Variants in MAPK10 observed in about 807,000 individuals in gnomAD.
MAPK10 encodes JNK3 alpha protein kinase.
MAPK10 carries 25 observed loss-of-function variants against 59.3 expected under a neutral mutation model. That is an observed-to-expected ratio of 0.42 (90% CI 0.31 to 0.59). The LOEUF is 0.59. Among genes scored for constraint, MAPK10 ranks in the 20% least tolerant of loss-of-function variants. MAPK10 has a pLI of 0.15. For synonymous variants in MAPK10, 190 were observed against 200.5 expected, an observed-to-expected ratio of 0.95 and a Z score of 0.44; for missense variants, 351 against 568.9, an observed-to-expected ratio of 0.62 and a Z score of 3.90.
At chr4:86,335,523 C>T (rs1720682402) in intron 2 of MAPK10, among the ~76,000 whole-genome samples, 1 of 152,154 alleles carries the variant, frequency 6.6e-6, no homozygotes, top group South Asian at 2.1e-4. Context: ...CTTGCTCTTC[C>T]TCTCTCACCC....
chr4:86,161,232 C>A (rs1027810715), intron 3 of MAPK10, among the ~76,000 whole-genome samples: 41 of 151,918 alleles, frequency 2.7e-4, no homozygotes, highest in African/African-American at 8.7e-4. Flanking sequence ...TCTGCAAATG[C>A]AATAATAAAA....
At chr4:86,177,271 C>T (rs533406087) in intron 3 of MAPK10, among the ~76,000 whole-genome samples, 258 of 152,150 alleles carry the variant, frequency 1.7e-3, no homozygotes, top group Middle Eastern at 3.4e-3. Context: ...CTAAACCATA[C>T]AAACCATATC....
chr4:86,273,139 T>C (rs1039769595), intron 2 of MAPK10, among the ~76,000 whole-genome samples: 1 of 152,128 alleles, frequency 6.6e-6, no homozygotes, highest in Non-Finnish European at 1.5e-5. Context: ...CAATTTCTTT[T>C]TAATATAGGG....
At chr4:86,343,534 G>T (rs1367540427) in intron 2 of MAPK10, among the ~76,000 whole-genome samples, 1 of 152,160 alleles carries the variant, frequency 6.6e-6, no homozygotes, top group Non-Finnish European at 1.5e-5. Context: ...ATGCATAAAA[G>T]AGACATTTAT....
chr4:86,347,672 T>A lies in MAPK10; in HGVS notation c.-7+6858A>T, dbSNP rs951648104. ...GTCCAAGATACAAATAGATCCGGTG[T>A]CTGTTGAGGTTTCGCTTTCTGGGTC... On this transcript the variant is annotated intron_variant, in intron 2 of 13. Coordinates refer to ENST00000641462, the MANE Select transcript of MAPK10 (RefSeq NM_138982.4). Among the ~76,000 whole-genome samples, 11 of 152,154 alleles carry A rather than the reference T, an allele frequency of 7.2e-5. No homozygotes were observed. In the East Asian group the frequency reaches 2.1e-3, roughly 29 times the overall value.
chr4:86,208,653 G>A (rs890315960), intron 2 of MAPK10, among the ~76,000 whole-genome samples: 4 of 151,740 alleles, frequency 2.6e-5, no homozygotes, highest in African/African-American at 7.3e-5. Flanking sequence ...GGCAAAAACC[G>A]GAAGCACTCC....
At chr4:86,026,896 AG>A (rs893407287) in intron 13 of MAPK10, 25 of 152,188 alleles carry the variant, frequency 1.6e-4, no homozygotes, top group African/African-American at 5.5e-4. Context: ...TTGGCTCTGC[AG>A]GGGGCAACAA....
In MAPK10 at chr4:86,137,127, G is replaced by A. The variant is rs1562187157; in HGVS notation, c.236+22171C>T. On this transcript the variant is annotated intron_variant, in intron 4 of 13. Transcript: ENST00000641462. ...CACTGTCAACATTAGACAGATCAAC[G>A]AGACAGAAGGTCAACAAGGATACCC... is the stretch of plus-strand genomic sequence containing the variant. 2.0e-5 allele frequency among the ~76,000 whole-genome samples: 3 copies of A among 150,670 alleles called. No individual in the cohort carries two copies. In the South Asian group the frequency reaches 6.2e-4, roughly 31 times the overall value.
intron 4 of MAPK10, among the ~76,000 whole-genome samples, chr4:86,141,689 T>C (rs560482422): frequency 3.0e-4 from 45 of 152,212 alleles, no homozygotes; most frequent in Middle Eastern, 3.2e-3. Context: ...AAAATACACA[T>C]TGAGCAAATG....
At chr4:86,400,206 A>G (rs754741252) in intron 1 of MAPK10, among the ~76,000 whole-genome samples, 1 of 152,180 alleles carries the variant, frequency 6.6e-6, no homozygotes, top group Non-Finnish European at 1.5e-5. Context: ...GTTTCTGACA[A>G]AAGCTCACCT....
Position 86,133,845 on chromosome 4 carries a change from C to G in MAPK10, c.236+25453G>C, listed in dbSNP as rs537764136. Among the ~76,000 whole-genome samples, 4 of 152,266 alleles carry G rather than the reference C, an allele frequency of 2.6e-5. No homozygotes were observed. In the East Asian group the frequency reaches 7.7e-4, roughly 29 times the overall value. On this transcript the variant is annotated intron_variant, in intron 4 of 13. Coordinates refer to ENST00000641462, the MANE Select transcript of MAPK10 (RefSeq NM_138982.4). ...CTCAGACACATCGTGGCTAGAGATT[C>G]TTTGCTTAAAAGCATTGGTAGTCCA...
At chr4:86,261,710 T>C (rs1224930584) in intron 2 of MAPK10, among the ~76,000 whole-genome samples, 2 of 152,230 alleles carry the variant, frequency 1.3e-5, no homozygotes. Context: ...TGACTGGACA[T>C]GCCTTTTTCA....
intron 1 of MAPK10, among the ~76,000 whole-genome samples, chr4:86,577,736 T>C (rs1435771191): frequency 6.6e-6 from 1 of 152,190 alleles, no homozygotes; most frequent in African/African-American, 2.4e-5. Context: ...TTTTGAGTAA[T>C]TACGTGGTTG....
chr4:86,024,925 T>G (rs1464713962), intron 13 of MAPK10: 1 of 152,226 alleles, frequency 6.6e-6, no homozygotes, highest in African/African-American at 2.4e-5. Context: ...TTTCTAGGGA[T>G]CCATAGACTA....
At chr4:86,488,877 C>G (rs369122317) in intron 1 of MAPK10, among the ~76,000 whole-genome samples, 1 of 152,166 alleles carries the variant, frequency 6.6e-6, no homozygotes, top group African/African-American at 2.4e-5. Flanking sequence ...TAGCTCCTCC[C>G]ATCAAGAGAT....
chr4:86,482,574 C>A (rs998720227), intron 1 of MAPK10, among the ~76,000 whole-genome samples: 6 of 152,066 alleles, frequency 3.9e-5, no homozygotes, highest in Non-Finnish European at 5.9e-5. Flanking sequence ...TGCCTTGTTC[C>A]AACAATGAGA....
chr4:86,023,344 G>A (rs1447775598), intron 13 of MAPK10, among the ~76,000 whole-genome samples: 1 of 152,140 alleles, frequency 6.6e-6, no homozygotes, highest in Non-Finnish European at 1.5e-5. Flanking sequence ...TAGCTTTGTA[G>A]TAAGTTTTGA....
intron 1 of MAPK10, among the ~76,000 whole-genome samples, chr4:86,367,672 TG>T (rs774514101): frequency 9.9e-5 from 15 of 152,100 alleles, no homozygotes; most frequent in Admixed American, 3.3e-4. Context: ...TGTTTTGTTT[TG>T]TTTTTTTTGG....
intron 1 of MAPK10, among the ~76,000 whole-genome samples, chr4:86,380,250 A>C (rs911908159): frequency 1.3e-5 from 2 of 152,002 alleles, no homozygotes; most frequent in African/African-American, 2.4e-5. Context: ...AACAAACAAA[A>C]AAAACCCCCC....
Sources: allele counts gnomAD v4.1 joint callset (sites outside exome capture counted in the v4.1 genomes callset), GRCh38; gene constraint gnomAD v4.1.1; transcripts MANE v1.5; gene names NCBI Gene and HGNC (gene_info 2026-07-23, HGNC 2026-07-21).